The following SH3GL3 variants were observed in gnomAD, a reference collection of about 807,000 sequenced individuals.
SH3GL3 encodes SH3 domain containing GRB2 like 3, endophilin A3.
A neutral mutation model predicts 47.7 loss-of-function variants in SH3GL3; 33 were observed. The observed-to-expected ratio is 0.69, with a 90% confidence interval of 0.52 to 0.92. The LOEUF (loss-of-function observed/expected upper bound fraction) is 0.92. Among genes scored for constraint, SH3GL3 ranks in the 40% least tolerant of loss-of-function variants. The probability of loss-of-function intolerance (pLI) is 0.00; values close to 1 mark genes in which losing one functional copy is unlikely to be tolerated. For missense variants in SH3GL3, 363 were observed against 417.8 expected (o/e 0.87, Z 1.14); for synonymous variants, 155 against 148.8 (o/e 1.04, Z -0.30).
intron 6 of SH3GL3, among the ~76,000 whole-genome samples, chr15:83,583,905 C>T (rs2059896229): frequency 6.6e-6 from 1 of 152,124 alleles, no homozygotes; most frequent in African/African-American, 2.4e-5. Context: ...CAACAACTCC[C>T]ATCACCATGA....
downstream of SH3GL3, among the ~76,000 whole-genome samples, chr15:83,623,329 A>G (rs1473661191): frequency 6.6e-6 from 1 of 152,224 alleles, no homozygotes; most frequent in East Asian, 1.9e-4. Flanking sequence ...TAGTCTGGGT[A>G]GCTCTTCAGG....
intron 8 of SH3GL3, among the ~76,000 whole-genome samples, chr15:83,597,789 T>C (rs1440507197): frequency 1.3e-5 from 2 of 152,106 alleles, no homozygotes; most frequent in Non-Finnish European, 2.9e-5. Context: ...TTTGTATTTT[T>C]AGTAGAGACG....
At chr15:83,457,841 A>T (rs1429888403) in intron 1 of SH3GL3, among the ~76,000 whole-genome samples, 1 of 152,214 alleles carries the variant, frequency 6.6e-6, no homozygotes, top group African/African-American at 2.4e-5. Flanking sequence ...TAAGGATATA[A>T]TACAATCCAT....
At chr15:83,626,538 C>T in the SH3GL3 span, among the ~76,000 whole-genome samples, 1 of 152,204 alleles carries the variant, frequency 6.6e-6, no homozygotes, top group Admixed American at 6.5e-5. Flanking sequence ...CCAGTATTGG[C>T]TTCTCCAGGA....
At chr15:83,511,700 C>T (rs1237628823) in intron 1 of SH3GL3, among the ~76,000 whole-genome samples, 1 of 152,192 alleles carries the variant, frequency 6.6e-6, no homozygotes, top group African/African-American at 2.4e-5. Flanking sequence ...GCTGCTTTGT[C>T]TCCAGGATCA....
intron 8 of SH3GL3, among the ~76,000 whole-genome samples, chr15:83,591,682 T>C (rs1289244051): frequency 1.3e-5 from 2 of 152,010 alleles, no homozygotes; most frequent in Non-Finnish European, 2.9e-5. Context: ...TTATTTTTTA[T>C]TTTATTTATT....
chr15:83,602,809 T>C (rs1858387590), intron 8 of SH3GL3, among the ~76,000 whole-genome samples: 1 of 152,078 alleles, frequency 6.6e-6, no homozygotes, highest in Non-Finnish European at 1.5e-5. Context: ...GGGAGACTCT[T>C]TTGTCTTTTA....
At chr15:83,554,257 G>A (rs956233561) in intron 1 of SH3GL3, among the ~76,000 whole-genome samples, 4 of 151,882 alleles carry the variant, frequency 2.6e-5, no homozygotes, top group African/African-American at 4.8e-5. Flanking sequence ...GCGCGATCCC[G>A]GCTCACCGCA....
chr15:83,483,705 C>T (rs774764927), intron 1 of SH3GL3, among the ~76,000 whole-genome samples: 3 of 152,206 alleles, frequency 2.0e-5, no homozygotes, highest in Non-Finnish European at 2.9e-5. Context: ...AGAGAAGTCG[C>T]ATTACCCTCA....
At chr15:83,616,354 G>A (rs536447972) in intron 8 of SH3GL3, among the ~76,000 whole-genome samples, 8 of 146,470 alleles carry the variant, frequency 5.5e-5, no homozygotes, top group East Asian at 2.1e-4. Context: ...CCGGGTTCAC[G>A]CCATTCTCCT....
chr15:83,464,187 A>C (rs981498409), intron 1 of SH3GL3, among the ~76,000 whole-genome samples: 1 of 152,126 alleles, frequency 6.6e-6, no homozygotes, highest in Non-Finnish European at 1.5e-5. Context: ...TCACTTCTCC[A>C]TCTGAGCTCT....
intron 1 of SH3GL3, among the ~76,000 whole-genome samples, chr15:83,539,377 A>G (rs2044058278): frequency 6.6e-6 from 1 of 152,106 alleles, no homozygotes; most frequent in African/African-American, 2.4e-5. Context: ...TCTCTTTTAT[A>G]TGGTCACTAA....
intron 1 of SH3GL3, among the ~76,000 whole-genome samples, chr15:83,547,433 G>A (rs1158190472): frequency 6.6e-6 from 1 of 152,204 alleles, no homozygotes; most frequent in Non-Finnish European, 1.5e-5. Context: ...ATGCCATGCT[G>A]CACTGCTGGG....
intron 1 of SH3GL3, among the ~76,000 whole-genome samples, chr15:83,487,394 C>T (rs961416250): frequency 6.6e-6 from 1 of 152,000 alleles, no homozygotes; most frequent in African/African-American, 2.4e-5. Context: ...ATTTTCTCTG[C>T]AGTCTCTTTT....
intron 1 of SH3GL3, among the ~76,000 whole-genome samples, chr15:83,532,065 A>C (rs1045947793): frequency 2.6e-5 from 4 of 152,148 alleles, no homozygotes; most frequent in Non-Finnish European, 4.4e-5. Flanking sequence ...AGTCCATTAC[A>C]TTTTTCTTAG....
At chr15:83,603,345 G>A (rs2060436598) in intron 8 of SH3GL3, among the ~76,000 whole-genome samples, 1 of 152,196 alleles carries the variant, frequency 6.6e-6, no homozygotes, top group Admixed American at 6.5e-5. Flanking sequence ...GCAGTTCCAT[G>A]TGCCTGTAAA....
At chr15:83,545,709 T>C (rs1244096333) in intron 1 of SH3GL3, among the ~76,000 whole-genome samples, 1 of 152,206 alleles carries the variant, frequency 6.6e-6, no homozygotes, top group East Asian at 1.9e-4. Context: ...TTGATCTAAG[T>C]CTTTGGTCAC....
the SH3GL3 span, among the ~76,000 whole-genome samples, chr15:83,628,226 C>CT: frequency 6.6e-6 from 1 of 152,136 alleles, no homozygotes; most frequent in Admixed American, 6.5e-5. Flanking sequence ...AAAATCCCTC[C>CT]TTATAGAAAC....
At chr15:83,546,042 A>T (rs2044377004) in intron 1 of SH3GL3, among the ~76,000 whole-genome samples, 1 of 152,104 alleles carries the variant, frequency 6.6e-6, no homozygotes, top group Non-Finnish European at 1.5e-5. Context: ...AATTCTGCTG[A>T]TGTTTATTCA....
Sources: allele counts gnomAD v4.1 joint callset (sites outside exome capture counted in the v4.1 genomes callset), GRCh38; gene constraint gnomAD v4.1.1; transcripts MANE v1.5; gene names NCBI Gene and HGNC (gene_info 2026-07-23, HGNC 2026-07-21).